C4BPA: variants seen among roughly 807,000 people sequenced by gnomAD.
C4BPA encodes the protein complement component 4 binding protein alpha.
C4BPA carries 31 observed loss-of-function variants against 63.7 expected under a neutral mutation model. That is an observed-to-expected ratio of 0.49 (90% CI 0.37 to 0.66). The LOEUF (loss-of-function observed/expected upper bound fraction) is 0.66. Ranked by LOEUF, C4BPA falls within the 30% of genes least tolerant of loss-of-function variation. The pLI, the probability that C4BPA is intolerant of heterozygous loss-of-function variation, is 0.00. For missense variants in C4BPA, 572 were observed against 723.3 expected (o/e 0.79, Z 2.40); for synonymous variants, 259 against 254.7 (o/e 1.02, Z -0.16).
rs187396268 is a variant in C4BPA, at chr1:207,118,609, C to T, written c.428+3094C>T. Among the ~76,000 whole-genome samples the T allele has an allele frequency of 1.9e-4, 29 of 152,310 alleles. No homozygotes were observed. In the East Asian group the frequency reaches 5.6e-3, roughly 29 times the overall value. On this transcript the variant is annotated intron_variant, in intron 4 of 11. Coordinates refer to ENST00000367070, the MANE Select transcript of C4BPA (RefSeq NM_000715.4). ...CCCATGATTCAATTACTTCCCACTA[C>T]ATTCCTCCCATGACACATGGGGATT...
At chr1:207,124,127 CATG>C in intron 5 of C4BPA, 45 bp from the exon 6 acceptor site, 5 of 1,570,004 alleles carry the variant, frequency 3.2e-6, no homozygotes, top group Non-Finnish European at 4.4e-6. Flanking sequence ...TTAGATTTAT[CATG>C]ATGCCTTCGC....
At chr1:207,104,576 G>A (rs1342884898) in intron 1 of C4BPA, 146 bp downstream of exon 1, 1 of 152,176 alleles carries the variant, frequency 6.6e-6, no homozygotes, top group African/African-American at 2.4e-5. Context: ...ACTGTATTAG[G>A]GGGATGTAAG....
chr1:207,143,345 G>T (rs1176875623), intron 10 of C4BPA, among the ~76,000 whole-genome samples: 1 of 151,920 alleles, frequency 6.6e-6, no homozygotes, highest in Non-Finnish European at 1.5e-5. Flanking sequence ...GGGGGTGGGG[G>T]GCAAGGGGAG....
At chr1:207,131,816 T>A in intron 8 of C4BPA, 76 bp downstream of exon 8, 1 of 971,544 alleles carries the variant, frequency 1.0e-6, no homozygotes. Context: ...TAAATGAATA[T>A]AATTTTATCC....
At chr1:207,130,767 A>T (rs1478734655) in intron 7 of C4BPA, among the ~76,000 whole-genome samples, 1 of 152,174 alleles carries the variant, frequency 6.6e-6, no homozygotes, top group Non-Finnish European at 1.5e-5. Flanking sequence ...ATAAAGAAAA[A>T]AATAGATTAG....
At chr1:207,139,170 A>T (rs1685356678) in intron 9 of C4BPA, among the ~76,000 whole-genome samples, 1 of 152,220 alleles carries the variant, frequency 6.6e-6, no homozygotes, top group Non-Finnish European at 1.5e-5. Context: ...GCCTCTGCTG[A>T]ATCAGTGACC....
rs1572804235 is a variant in C4BPA at position 207,144,638 on chromosome 1, A to G, written c.1715A>G (p.Tyr572Cys). 6.2e-7 allele frequency: 1 copy of G among 1,613,632 alleles called. No homozygotes were observed. The highest frequency in any genetic ancestry group is 2.2e-5 in the East Asian group (1 of 44,816). Residue 572 changes from tyrosine (Y) to cysteine (C), a missense_variant, in exon 12 of 12, where the codon TAT (tyrosine) becomes TGT (cysteine). Coordinates refer to ENST00000367070, the MANE Select transcript of C4BPA (RefSeq NM_000715.4). ...GATGTGAAAATGGCCCTGGAGGTAT[A>G]TAAGCTGTCTCTGGAAATTGAACAA... ...PEDVKMALEV[Y>C]KLSLEIEQLE...
At chr1:207,118,999 G>T (rs993698282) in intron 4 of C4BPA, among the ~76,000 whole-genome samples, 1 of 141,154 alleles carries the variant, frequency 7.1e-6, no homozygotes, top group African/African-American at 2.5e-5. Context: ...ACTCAGGAAG[G>T]GAAGATAGAC....
In C4BPA at chr1:207,144,633, G is replaced by A. The variant is rs1176196683; in HGVS notation, c.1710G>A (p.Glu570=). 6.2e-7 allele frequency: 1 copy of A among 1,613,622 alleles called. No homozygotes were observed. The highest frequency in any genetic ancestry group is 8.5e-7 in the Non-Finnish European group (1 of 1,179,772). The change falls in exon 12 of 12, where the codon GAG becomes GAA. Residue 570 remains glutamate, a synonymous_variant. Transcript: ENST00000367070. ...PNPEDVKMAL[E]VYKLSLEIEQ... is the part of the protein sequence containing the mutation. ...CAGAGGATGTGAAAATGGCCCTGGA[G>A]GTATATAAGCTGTCTCTGGAAATTG...
chr1:207,112,609 A>T (rs1025640478), intron 1 of C4BPA, among the ~76,000 whole-genome samples: 1 of 152,080 alleles, frequency 6.6e-6, no homozygotes, highest in African/African-American at 2.4e-5. Flanking sequence ...AATTTCCTAA[A>T]CTTGACGTTT....
chr1:207,128,759 TAAACA>T (rs1224916005), intron 7 of C4BPA, among the ~76,000 whole-genome samples: 1 of 152,100 alleles, frequency 6.6e-6, no homozygotes, highest in Non-Finnish European at 1.5e-5. Context: ...ATTATGTCAC[TAAACA>T]AACAAGAAAA....
At position 207,123,997 on chromosome 1, in the gene C4BPA, A is replaced by G; in HGVS notation, c.504A>G (p.Pro168=). ...GAGTTGGCTGGAGTCATCCTCTCCC[A>G]CAATGTGAAAGTAAGTAAAGACTCT... is the stretch of plus-strand genomic sequence containing the variant. ...DRGVGWSHPL[P]QCEIVKCKPP... The change falls in exon 5 of 12, where the codon CCA becomes CCG. Residue 168 remains proline (P), a synonymous_variant. Coordinates refer to ENST00000367070, the MANE Select transcript of C4BPA (RefSeq NM_000715.4). 6.2e-7 allele frequency: 1 copy of G among 1,608,162 alleles called. No homozygotes were observed. The highest frequency in any genetic ancestry group is 8.5e-7 in the Non-Finnish European group (1 of 1,175,470).
chr1:207,124,224 T>C lies in C4BPA; in HGVS notation c.564T>C (p.Gly188=). Residue 188 remains glycine (G), a synonymous_variant, in exon 6 of 12, where the codon GGT becomes GGC. Transcript: ENST00000367070. ...ACATCAGGAATGGAAGGCACAGCGGTGAAGAAAATTTCTACGCATACGGCT... is the reference window on the plus strand; with the variant it reads ...ACATCAGGAATGGAAGGCACAGCGGCGAAGAAAATTTCTACGCATACGGCT... ...PPDIRNGRHS[G]EENFYAYGFS... 2 of 1,613,886 alleles carry C rather than the reference T, an allele frequency of 1.2e-6. No homozygotes were observed. The highest frequency in any genetic ancestry group is 1.7e-6 in the Non-Finnish European group (2 of 1,179,912).
chr1:207,113,262 T>C, intron 2 of C4BPA, 95 bp downstream of exon 2: 1 of 1,342,460 alleles, frequency 7.4e-7, no homozygotes, highest in Non-Finnish European at 1.0e-6. Flanking sequence ...ACTGAGCTTC[T>C]AGCAGAGACC....
chr1:207,114,485 C>CTTTTTT lies in C4BPA; in HGVS notation c.328+221_328+226dup, dbSNP rs34895847. ...AATTGCATTGAAAAATAACTCTGTTCTTTTTTTTTTTTTTTTTTTTTTTTT... is the reference window on the plus strand; with the variant it reads ...AATTGCATTGAAAAATAACTCTGTTCTTTTTTTTTTTTTTTTTTTTTTTTTTTTTTT... On this transcript the variant is annotated intron_variant, in intron 3 of 11. Coordinates refer to ENST00000367070, the MANE Select transcript of C4BPA (RefSeq NM_000715.4). Among the ~76,000 whole-genome samples the CTTTTTT allele has an allele frequency of 1.0e-4, 6 of 59,550 alleles. 2 individuals carry two copies. Among genetic ancestry groups the CTTTTTT allele is most frequent in the Admixed American group, 3.6e-4 (2 of 5,540 alleles). 39.1% of individuals were successfully genotyped at this position (59,550 alleles called of 152,430 possible).
intron 4 of C4BPA, among the ~76,000 whole-genome samples, chr1:207,117,247 C>T (rs963079896): frequency 1.3e-5 from 2 of 152,064 alleles, no homozygotes; most frequent in African/African-American, 2.4e-5. Flanking sequence ...TCCAGGAGTT[C>T]GAGACCAGCC....
chr1:207,128,097 C>T (rs1685083594), intron 7 of C4BPA, among the ~76,000 whole-genome samples: 1 of 152,136 alleles, frequency 6.6e-6, no homozygotes, highest in South Asian at 2.1e-4. Context: ...TTTTTCATGG[C>T]TCTATGTTGC....
chr1:207,110,375 T>A (rs933134311), intron 1 of C4BPA, among the ~76,000 whole-genome samples: 6 of 152,200 alleles, frequency 3.9e-5, no homozygotes, highest in African/African-American at 1.2e-4. Context: ...CAGACCACAA[T>A]ACCGAAAAGT....
chr1:207,106,541 AG>A (rs2102325632), intron 1 of C4BPA, among the ~76,000 whole-genome samples: 1 of 129,786 alleles, frequency 7.7e-6, no homozygotes, highest in South Asian at 2.5e-4. Context: ...CCGGGTTCAC[AG>A]GCCATTCTCC....
Sources: gnomAD v4.1 joint callset for allele counts (sites outside exome capture counted in the v4.1 genomes callset) on GRCh38, gnomAD v4.1.1 for gene constraint, MANE v1.5 for transcripts, NCBI Gene and HGNC (gene_info 2026-07-23, HGNC 2026-07-21) for gene names.